The following RSF1 variants were observed in gnomAD, a reference collection of about 807,000 sequenced individuals.
The protein encoded by RSF1 is HBV pX-associated protein 8.
RSF1 carries 13 observed loss-of-function variants against 145.2 expected under a neutral mutation model. The ratio of observed to expected loss-of-function variants is 0.09; its 90% CI spans 0.06 to 0.14. RSF1 has a LOEUF of 0.14. RSF1 is among the 10% of genes least tolerant of loss of function. The pLI is 1.00. For synonymous variants in RSF1, 577 were observed against 592.6 expected (o/e 0.97, Z 0.38); for missense variants, 1,517 against 1,718.2 (o/e 0.88, Z 2.07).
Position 77,747,107 on chromosome 11 carries a change from T to C in RSF1, c.301A>G (p.Thr101Ala), listed in dbSNP as rs1467572483. The C allele has an allele frequency of 2.5e-6, 4 of 1,610,974 alleles. No homozygotes were observed. Among genetic ancestry groups the C allele is most frequent in the Non-Finnish European group, 3.4e-6 (4 of 1,177,458 alleles). Residue 101 changes from threonine (T) to alanine (A), a missense_variant, in exon 3 of 16, where the codon ACC becomes GCC. Around this residue, in one of 12 missense-constraint regions of RSF1, gnomAD observed 94 missense variants for 143.6 expected, o/e 0.65. Transcript: ENST00000308488. The stretch of plus-strand genomic sequence containing the variant: ...TTCTTCTCCATCTCCCATGCCCAGG[T>C]ACTGTTAAACTCTTGGCATATCTGT... ...LIKICQEFNS[T>A]WAWEMEKKGY... is the part of the protein sequence containing the mutation.
At chr11:77,803,978 G>A (rs1948652466) in intron 1 of RSF1, among the ~76,000 whole-genome samples, 1 of 152,232 alleles carries the variant, frequency 6.6e-6, no homozygotes, top group Non-Finnish European at 1.5e-5. Flanking sequence ...CTACTTGGCA[G>A]GAGGATCGCT....
intron 1 of RSF1, among the ~76,000 whole-genome samples, chr11:77,800,096 G>A (rs964407582): frequency 1.8e-4 from 27 of 152,132 alleles, no homozygotes; most frequent in Non-Finnish European, 2.6e-4. Context: ...AGTGCCCTAC[G>A]ATTGCTCCCG....
the RSF1 span, among the ~76,000 whole-genome samples, chr11:77,840,053 T>C: frequency 1.3e-5 from 2 of 151,702 alleles, no homozygotes; most frequent in African/African-American, 4.9e-5. Flanking sequence ...GTTGATAGCA[T>C]GTTATCATTT....
the RSF1 span, among the ~76,000 whole-genome samples, chr11:77,843,377 G>C: frequency 6.6e-6 from 1 of 152,158 alleles, no homozygotes; most frequent in Non-Finnish European, 1.5e-5. Flanking sequence ...ACTCACCTGG[G>C]ATGTAGCCTC....
chr11:77,761,757 C>T (rs1388270926), intron 2 of RSF1, among the ~76,000 whole-genome samples: 1 of 151,658 alleles, frequency 6.6e-6, no homozygotes, highest in Non-Finnish European at 1.5e-5. Flanking sequence ...AAGAATAAGG[C>T]CAAGGCCCAT....
At chr11:77,760,071 C>T (rs1022820606) in intron 2 of RSF1, among the ~76,000 whole-genome samples, 1 of 152,106 alleles carries the variant, frequency 6.6e-6, no homozygotes. Flanking sequence ...CAATTCTACT[C>T]CTAGTTATAT....
chr11:77,715,227 T>C lies in RSF1; in HGVS notation c.733+10318A>G, dbSNP rs79149490. Reference sequence around the variant, plus strand: ...ACTATAGTCTGTATCCTATTGTTTATGGCAAAAAAATACAAGAAAGAAATG... The same window carrying C: ...ACTATAGTCTGTATCCTATTGTTTACGGCAAAAAAATACAAGAAAGAAATG... On this transcript the variant is annotated intron_variant, in intron 5 of 15. Coordinates refer to ENST00000308488, the MANE Select transcript of RSF1 (RefSeq NM_016578.4). Among the ~76,000 whole-genome samples, 285 of 146,942 alleles carry C rather than the reference T, an allele frequency of 1.9e-3. 3 individuals are homozygous for C. In the East Asian group the frequency reaches 0.054, roughly 28 times the overall value.
the RSF1 span, chr11:77,869,848 G>A: frequency 6.3e-7 from 1 of 1,595,204 alleles, no homozygotes; most frequent in South Asian, 1.1e-5. Flanking sequence ...CATTCCTGAG[G>A]ACAGGTGGGG....
Position 77,686,676 on chromosome 11 carries a change from CTGGT to C in RSF1, c.2901-1521_2901-1518del, listed in dbSNP as rs535578450. The stretch of plus-strand genomic sequence containing the variant: ...GAGATAGGTTGTGATGCTATTAAAA[CTGGT>C]ATGTTTAAAAATCATTCAGTGGACT... On this transcript the variant is annotated intron_variant, in intron 9 of 15. Coordinates refer to ENST00000308488, the MANE Select transcript of RSF1 (RefSeq NM_016578.4). 5.1e-3 allele frequency among the ~76,000 whole-genome samples: 777 copies of C among 152,112 alleles called. 6 individuals carry two copies. Among genetic ancestry groups the C allele is most frequent in the African/African-American group, 0.016 (656 of 41,494 alleles).
At chr11:77,699,211 G>A (rs1268868399) in intron 6 of RSF1, among the ~76,000 whole-genome samples, 2 of 152,076 alleles carry the variant, frequency 1.3e-5, no homozygotes, top group African/African-American at 4.8e-5. Flanking sequence ...TTAAAATCCT[G>A]TATTAGAGAT....
At chr11:77,705,026 C>G (rs1002820314) in intron 5 of RSF1, among the ~76,000 whole-genome samples, 3 of 152,126 alleles carry the variant, frequency 2.0e-5, no homozygotes, top group Non-Finnish European at 4.4e-5. Context: ...GCTGGGATTA[C>G]AGGTGTGAGC....
chr11:77,740,660 A>C, intron 4 of RSF1, 71 bp downstream of exon 4: 1 of 1,408,322 alleles, frequency 7.1e-7, no homozygotes, highest in South Asian at 1.2e-5. Flanking sequence ...GATAGATAAC[A>C]TCCTAGTTTT....
At chr11:77,871,328 A>G in the RSF1 span, among the ~76,000 whole-genome samples, 404 of 152,366 alleles carry the variant, frequency 2.7e-3, 1 homozygote, top group African/African-American at 9.1e-3. Context: ...GTCACTATTA[A>G]GAACATCTTT....
intron 1 of RSF1, among the ~76,000 whole-genome samples, chr11:77,808,360 A>ACAG (rs1390770874): frequency 6.7e-6 from 1 of 150,092 alleles, no homozygotes; most frequent in African/African-American, 2.4e-5. Flanking sequence ...CAAAAACACA[A>ACAG]CAACAGCAAG....
At chr11:77,765,909 G>A (rs573232637) in intron 1 of RSF1, among the ~76,000 whole-genome samples, 9 of 152,032 alleles carry the variant, frequency 5.9e-5, no homozygotes, top group South Asian at 2.1e-4. Context: ...CACTACTCCC[G>A]GCTAGTTTTT....
chr11:77,693,764 CATTT>C (rs149549639), intron 7 of RSF1, among the ~76,000 whole-genome samples, 153 bp from the exon 8 acceptor site: 1,841 of 146,638 alleles, frequency 0.013, 32 homozygotes, highest in African/African-American at 0.038. Flanking sequence ...AGGGATCTGA[CATTT>C]ATTTATTTAT....
chr11:77,787,580 A>T (rs1047386714), intron 1 of RSF1, among the ~76,000 whole-genome samples: 2 of 152,142 alleles, frequency 1.3e-5, no homozygotes, highest in Non-Finnish European at 2.9e-5. Context: ...CTGGGTCTTT[A>T]CAGAAAAATA....
chr11:77,848,090 A>G, the RSF1 span, among the ~76,000 whole-genome samples: 4 of 152,240 alleles, frequency 2.6e-5, no homozygotes, highest in African/African-American at 9.6e-5. Context: ...TCATCCATAG[A>G]CATTCTCACA....
At chr11:77,722,936 T>G (rs767313627) in intron 5 of RSF1, among the ~76,000 whole-genome samples, 4 of 152,368 alleles carry the variant, frequency 2.6e-5, no homozygotes, top group Admixed American at 6.5e-5. Flanking sequence ...AGTGTCAATT[T>G]TGAGGTCTTG....
Sources: allele counts gnomAD v4.1 joint callset (sites outside exome capture counted in the v4.1 genomes callset), GRCh38; gene constraint gnomAD v4.1.1; regional missense constraint gnomAD v4.1.1; transcripts MANE v1.5; gene names NCBI Gene and HGNC (gene_info 2026-07-23, HGNC 2026-07-21).